PDE1C: variants seen among roughly 807,000 people sequenced by gnomAD.
PDE1C encodes phosphodiesterase 1C.
Under a neutral mutation model 93.1 loss-of-function variants are expected in PDE1C, and 62 were observed. The observed-to-expected ratio is 0.67, with a 90% CI of 0.54 to 0.82. The LOEUF (loss-of-function observed/expected upper bound fraction) is 0.82. PDE1C is among the 40% of genes least tolerant of loss of function. The probability of loss-of-function intolerance (pLI) is 0.00; values close to 1 mark genes in which losing one functional copy is unlikely to be tolerated. For missense variants in PDE1C, 742 were observed against 884.6 expected (o/e 0.84, Z 2.04); for synonymous variants, 325 against 310.1 (o/e 1.05, Z -0.50).
chr7:31,792,410 G>T (rs1176343200), intron 16 of PDE1C, among the ~76,000 whole-genome samples: 1 of 152,018 alleles, frequency 6.6e-6, no homozygotes, highest in Non-Finnish European at 1.5e-5. Flanking sequence ...GATAAGGTGT[G>T]GTGATGAATA....
intron 1 of PDE1C, among the ~76,000 whole-genome samples, chr7:32,210,998 G>A (rs993653406): frequency 1.3e-5 from 2 of 152,058 alleles, no homozygotes; most frequent in South Asian, 2.1e-4. Flanking sequence ...GTCGGGTCAC[G>A]AGGTCAGGAG....
rs1472911287 is a variant in PDE1C, at chr7:32,154,861, G to A, written c.308+14924C>T. On this transcript the variant is annotated intron_variant, in intron 3 of 18. Coordinates refer to the PDE1C transcript ENST00000396193. ...TGTGGCAGACATGAGCCCACAGCCA[G>A]GTGGGCAGTAAGTCTGAAGAAGGGC... 2.0e-5 allele frequency among the ~76,000 whole-genome samples: 3 copies of A among 152,234 alleles called. No homozygotes were observed. The South Asian group carries it at 6.2e-4, about 32-fold the overall frequency.
chr7:32,208,415 G>GA (rs927737358), intron 2 of PDE1C, among the ~76,000 whole-genome samples: 4 of 151,676 alleles, frequency 2.6e-5, no homozygotes, highest in African/African-American at 9.7e-5. Context: ...GACTGACCTG[G>GA]AAAAAAGTCA....
intron 2 of PDE1C, among the ~76,000 whole-genome samples, chr7:31,985,922 A>G (rs1475112224): frequency 6.6e-6 from 1 of 152,056 alleles, no homozygotes; most frequent in African/African-American, 2.4e-5. Flanking sequence ...CCCTTCCCCT[A>G]GCACCTTGCT....
chr7:32,064,722 C>A lies in PDE1C; in HGVS notation c.101+5571G>T, dbSNP rs549852594. Among the ~76,000 whole-genome samples the A allele has an allele frequency of 2.6e-5, 4 of 152,138 alleles. No individual in the cohort carries two copies. In the South Asian group the frequency reaches 8.3e-4, roughly 32 times the overall value. ...TATTTCTCTAGAAGATATGAAAGAA[C>A]ACCTAGAACACAGCACTTTTTTGTT... On this transcript the variant is annotated intron_variant, in intron 1 of 17. Coordinates refer to ENST00000396191, the MANE Select transcript of PDE1C (RefSeq NM_001191057.4).
At chr7:31,731,623 C>T in the PDE1C span, among the ~76,000 whole-genome samples, 1 of 152,156 alleles carries the variant, frequency 6.6e-6, no homozygotes, top group Non-Finnish European at 1.5e-5. Context: ...CTCCTGACCT[C>T]GTGATCCACC....
intron 2 of PDE1C, among the ~76,000 whole-genome samples, chr7:32,181,924 GA>G (rs1803466496): frequency 6.6e-6 from 1 of 152,088 alleles, no homozygotes; most frequent in Non-Finnish European, 1.5e-5. Context: ...AAGAAGAAAA[GA>G]GAGAAAAATC....
At chr7:32,120,529 C>T (rs1041212705) in intron 3 of PDE1C, among the ~76,000 whole-genome samples, 1 of 152,166 alleles carries the variant, frequency 6.6e-6, no homozygotes, top group Non-Finnish European at 1.5e-5. Flanking sequence ...AAGGAGCAGG[C>T]ACCAGTCTTT....
At chr7:31,825,048 T>A (rs999618859) in intron 12 of PDE1C, 61 bp from the exon 13 acceptor site, 8 of 1,599,322 alleles carry the variant, frequency 5.0e-6, no homozygotes, top group Non-Finnish European at 6.8e-6. Flanking sequence ...TTCCATACTT[T>A]CCAGAAGAAA....
rs117869980 is a variant in PDE1C, at chr7:32,383,484, A to G, written c.310+44338T>C. 1.7e-4 allele frequency among the ~76,000 whole-genome samples: 26 copies of G among 152,356 alleles called. 1 individual carries two copies. The East Asian group carries it at 4.8e-3, about 28-fold the overall frequency. The stretch of plus-strand genomic sequence containing the variant: ...GTCTCTTCTAGATCTGGCATTCTGT[A>G]GAGAAGCAAAAAGACTTCAGATCTC... On this transcript the variant is annotated intron_variant, in intron 1 of 1. Transcript: ENST00000672256.
At chr7:31,760,892 T>C (rs187441013) in intron 17 of PDE1C, among the ~76,000 whole-genome samples, 15 of 152,256 alleles carry the variant, frequency 9.9e-5, no homozygotes, top group Admixed American at 2.0e-4. Flanking sequence ...ATACATTCTA[T>C]TTCTAAAATC....
At chr7:31,918,831 C>T (rs1251543543) in intron 2 of PDE1C, among the ~76,000 whole-genome samples, 1 of 152,152 alleles carries the variant, frequency 6.6e-6, no homozygotes, top group Admixed American at 6.6e-5. Flanking sequence ...ATCTGCCCTG[C>T]GTAGCCAGAA....
intron 2 of PDE1C, among the ~76,000 whole-genome samples, chr7:32,016,657 A>G (rs1584466735): frequency 6.6e-6 from 1 of 152,314 alleles, no homozygotes; most frequent in East Asian, 1.9e-4. Flanking sequence ...TGCAGACATG[A>G]GGTAGAATAT....
intron 16 of PDE1C, chr7:31,787,908 T>C (rs1181905933): frequency 6.6e-6 from 1 of 152,220 alleles, no homozygotes; most frequent in Non-Finnish European, 1.5e-5. Context: ...GTATTTTTAA[T>C]AGATAACTGC....
chr7:32,179,513 C>G (rs139929143), intron 2 of PDE1C, among the ~76,000 whole-genome samples: 1 of 152,120 alleles, frequency 6.6e-6, no homozygotes, highest in South Asian at 2.1e-4. Context: ...CCTGCCTCGG[C>G]CTACCAAAGT....
At chr7:31,872,393 C>T (rs1049144018) in intron 6 of PDE1C, among the ~76,000 whole-genome samples, 1 of 152,048 alleles carries the variant, frequency 6.6e-6, no homozygotes, top group South Asian at 2.1e-4. Flanking sequence ...TTGAAATGTT[C>T]CCAACACATA....
At chr7:32,238,461 G>T (rs555696899) in intron 1 of PDE1C, among the ~76,000 whole-genome samples, 32 of 152,308 alleles carry the variant, frequency 2.1e-4, no homozygotes, top group African/African-American at 7.5e-4. Flanking sequence ...TTAGAACAGT[G>T]CTTGACATAT....
chr7:32,171,786 A>T (rs1326898995), intron 2 of PDE1C, among the ~76,000 whole-genome samples: 1 of 150,280 alleles, frequency 6.7e-6, no homozygotes, highest in East Asian at 1.9e-4. Flanking sequence ...TTGTTACCTG[A>T]GGTAACCAAT....
chr7:31,872,308 T>C (rs1583705273), intron 6 of PDE1C, among the ~76,000 whole-genome samples: 1 of 152,128 alleles, frequency 6.6e-6, no homozygotes, highest in East Asian at 1.9e-4. Flanking sequence ...TAAAGTCTAA[T>C]GTTCAGTAGC....
Sources: gnomAD v4.1 joint callset for allele counts (sites outside exome capture counted in the v4.1 genomes callset) on GRCh38, gnomAD v4.1.1 for gene constraint, MANE v1.5 for transcripts, NCBI Gene and HGNC (gene_info 2026-07-23, HGNC 2026-07-21) for gene names.